ADAMTSL1: variants seen among roughly 807,000 people sequenced by gnomAD.
The protein encoded by ADAMTSL1 is ADAMTS-like protein 1.
Under a neutral mutation model 201.8 loss-of-function variants are expected in ADAMTSL1, and 126 were observed. The ratio of observed to expected loss-of-function variants is 0.62; its 90% CI spans 0.54 to 0.72. The LOEUF is 0.72. Ranked by LOEUF, ADAMTSL1 falls within the 30% of genes least tolerant of loss-of-function variation. The probability of loss-of-function intolerance (pLI) is 0.00; values close to 1 mark genes in which losing one functional copy is unlikely to be tolerated. For synonymous variants in ADAMTSL1, 1,121 were observed against 903.4 expected (o/e 1.24, Z -4.32); for missense variants, 2,679 against 2,277.8 (o/e 1.18, Z -3.59).
rs1211149739 is a variant in ADAMTSL1, at chr9:18,531,243, A to C, written c.192-2004A>C. On this transcript the variant is annotated intron_variant, in intron 2 of 28. Transcript: ENST00000380548. ...CCAGCACTCTCTGTTCTCAGCAGTC[A>C]TGAAAATCCAGATCACTCTTGGCAA... 2.6e-5 allele frequency among the ~76,000 whole-genome samples: 4 copies of C among 152,318 alleles called. No individual in the cohort carries two copies. The East Asian group carries it at 7.7e-4, about 29-fold the overall frequency.
In ADAMTSL1 at chr9:18,755,115, G is replaced by A. The variant is rs1819678252; in HGVS notation, c.2217+1607G>A. Among the ~76,000 whole-genome samples the A allele has an allele frequency of 2.0e-5, 3 of 152,200 alleles. No homozygotes were observed. The South Asian group carries it at 6.2e-4, about 32-fold the overall frequency. ...AAGGCCTTTCAGGGATTAAACATGA[G>A]CACTTTTGTTTTACAGATGATGTAA... On this transcript the variant is annotated intron_variant, in intron 16 of 28. Transcript: ENST00000380548.
At chr9:18,186,992 A>G (rs1828767228) in intron 2 of ADAMTSL1, among the ~76,000 whole-genome samples, 1 of 152,132 alleles carries the variant, frequency 6.6e-6, no homozygotes, top group African/African-American at 2.4e-5. Context: ...TCCCATGTCT[A>G]ACTCTGGAAT....
chr9:18,323,492 C>T (rs1178481314), intron 2 of ADAMTSL1, among the ~76,000 whole-genome samples: 1 of 151,976 alleles, frequency 6.6e-6, no homozygotes, highest in African/African-American at 2.4e-5. Flanking sequence ...GATGTTTGCA[C>T]CTCTATACAA....
chr9:17,945,658 C>A (rs1274661705), intron 1 of ADAMTSL1, among the ~76,000 whole-genome samples: 1 of 152,174 alleles, frequency 6.6e-6, no homozygotes, highest in Non-Finnish European at 1.5e-5. Context: ...GAATTCACAT[C>A]CTTTGTAGGG....
At chr9:18,787,055 T>C (rs531670934) in intron 19 of ADAMTSL1, among the ~76,000 whole-genome samples, 1 of 152,334 alleles carries the variant, frequency 6.6e-6, no homozygotes, top group Non-Finnish European at 1.5e-5. Flanking sequence ...AATAATTCTC[T>C]ATGTACAAGT....
intron 1 of ADAMTSL1, among the ~76,000 whole-genome samples, chr9:17,959,465 T>G (rs1484627858): frequency 6.6e-6 from 1 of 152,144 alleles, no homozygotes; most frequent in Non-Finnish European, 1.5e-5. Context: ...TTATTTTTTA[T>G]TTTTATTTTT....
At chr9:17,975,456 G>C (rs1818407467) in intron 1 of ADAMTSL1, among the ~76,000 whole-genome samples, 1 of 151,930 alleles carries the variant, frequency 6.6e-6, no homozygotes, top group Non-Finnish European at 1.5e-5. Context: ...GTAGTAGCAA[G>C]GTAAAGAAGC....
intron 1 of ADAMTSL1, among the ~76,000 whole-genome samples, chr9:18,481,832 C>T (rs1399647303): frequency 6.6e-6 from 1 of 152,096 alleles, no homozygotes; most frequent in Non-Finnish European, 1.5e-5. Flanking sequence ...TAGGGAAAAA[C>T]TATTTTCAAG....
At chr9:18,221,423 G>A (rs973746795) in intron 2 of ADAMTSL1, among the ~76,000 whole-genome samples, 1 of 152,256 alleles carries the variant, frequency 6.6e-6, no homozygotes, top group Non-Finnish European at 1.5e-5. Flanking sequence ...GGATGCCTGA[G>A]TTGTGTGTTG....
intron 2 of ADAMTSL1, among the ~76,000 whole-genome samples, chr9:18,404,080 A>T (rs1818089575): frequency 6.6e-6 from 1 of 152,194 alleles, no homozygotes; most frequent in African/African-American, 2.4e-5. Flanking sequence ...TAATCTTTAT[A>T]AGGATGATGT....
intron 7 of ADAMTSL1, among the ~76,000 whole-genome samples, chr9:18,653,119 G>T (rs1216081849): frequency 6.6e-6 from 1 of 152,164 alleles, no homozygotes; most frequent in Non-Finnish European, 1.5e-5. Flanking sequence ...TGCATTTCTT[G>T]TTAGATTTCA....
At chr9:18,682,227 CG>C (rs750610335) in intron 12 of ADAMTSL1, among the ~76,000 whole-genome samples, 4 of 152,250 alleles carry the variant, frequency 2.6e-5, no homozygotes, top group East Asian at 3.9e-4. Context: ...CTGAAGAATA[CG>C]GATGTACCTG....
intron 15 of ADAMTSL1, among the ~76,000 whole-genome samples, chr9:18,740,144 C>T (rs1310483159): frequency 6.6e-6 from 1 of 152,158 alleles, no homozygotes; most frequent in Non-Finnish European, 1.5e-5. Context: ...CAACATGTCA[C>T]CCAGTGCTGT....
intron 1 of ADAMTSL1, among the ~76,000 whole-genome samples, chr9:18,117,940 G>A (rs1276112239): frequency 6.6e-6 from 1 of 152,144 alleles, no homozygotes; most frequent in Admixed American, 6.6e-5. Flanking sequence ...TTTAATGCTT[G>A]ATCATTTAAA....
At chr9:18,002,481 A>T (rs925079170) in intron 1 of ADAMTSL1, among the ~76,000 whole-genome samples, 1 of 152,010 alleles carries the variant, frequency 6.6e-6, no homozygotes, top group Admixed American at 6.6e-5. Flanking sequence ...GATGCTTAGT[A>T]AGTTCTTAAT....
At position 18,508,139 on chromosome 9, in the gene ADAMTSL1, C is replaced by T. The variant is rs7025364; in HGVS notation, c.191+3183C>T. 2.1e-3 allele frequency among the ~76,000 whole-genome samples: 314 copies of T among 151,022 alleles called. 2 individuals carry two copies. The highest frequency in any genetic ancestry group is 7.4e-3 in the African/African-American group (304 of 41,058). On this transcript the variant is annotated intron_variant, in intron 2 of 28. Transcript: ENST00000380548. ...GGCAGAGGTTGCAGTGAGCCAAGAT[C>T]GAGTCACTGCACTCCAGCCTGGGCG...
chr9:18,692,284 G>A (rs1034698643), intron 13 of ADAMTSL1, among the ~76,000 whole-genome samples: 3 of 152,180 alleles, frequency 2.0e-5, no homozygotes, highest in African/African-American at 7.2e-5. Context: ...TCTCTACTCT[G>A]AGTTAAATAT....
At chr9:18,154,113 C>T (rs1563771863) in intron 1 of ADAMTSL1, among the ~76,000 whole-genome samples, 1 of 151,912 alleles carries the variant, frequency 6.6e-6, no homozygotes, top group Non-Finnish European at 1.5e-5. Flanking sequence ...TATGGATAAC[C>T]TAGAAAGAAA....
intron 2 of ADAMTSL1, among the ~76,000 whole-genome samples, chr9:18,404,253 A>T (rs575125597): frequency 6.6e-6 from 1 of 152,108 alleles, no homozygotes; most frequent in African/African-American, 2.4e-5. Flanking sequence ...TGTTTCCTTC[A>T]TTCCTCAATT....
Sources: gnomAD v4.1 joint callset for allele counts (sites outside exome capture counted in the v4.1 genomes callset) on GRCh38, gnomAD v4.1.1 for gene constraint, MANE v1.5 for transcripts, NCBI Gene and HGNC (gene_info 2026-07-23, HGNC 2026-07-21) for gene names.